LINGO3: variants seen among roughly 807,000 people sequenced by gnomAD.
LINGO3 encodes the protein leucine rich repeat and Ig domain containing 3.
For synonymous variants in LINGO3, 427 were observed against 444.2 expected, an observed-to-expected ratio of 0.96 and a Z score of 0.49; for missense variants, 750 against 867.7, an observed-to-expected ratio of 0.86 and a Z score of 1.70.
downstream of LINGO3, among the ~76,000 whole-genome samples, chr19:2,288,106 C>T (rs2025482573): frequency 6.6e-6 from 1 of 152,192 alleles, no homozygotes; most frequent in South Asian, 2.1e-4. The surrounding 1 kb of genome is among the most constrained non-coding windows in gnomAD (Gnocchi z 6.5). Flanking sequence ...CCCCCCGTGA[C>T]AGGATGCCCA....
chr19:2,290,886 G>GCGCAGGCGGACCAGGTCC lies in LINGO3; in HGVS notation c.873_890dup (p.Asp292_Arg297dup), dbSNP rs1568411809. 1 of 1,611,138 alleles carries GCGCAGGCGGACCAGGTCC rather than the reference G, an allele frequency of 6.2e-7. No individual in the cohort carries two copies. Among genetic ancestry groups the GCGCAGGCGGACCAGGTCC allele is most frequent in the South Asian group, 1.1e-5 (1 of 90,934 alleles). On this transcript the variant is annotated inframe_insertion, in exon 1 of 1. Transcript: ENST00000585527. This position sits in a 1 kb window ranked among gnomAD's most constrained non-coding sequence, Gnocchi z 6.0. The stretch of plus-strand genomic sequence containing the variant: ...GCAGGGCCCCGGCCAGGTGCAGCTC[G>GCGCAGGCGGACCAGGTCC]CGCAGGCGGACCAGGTCCCGGAACG...
At chr19:2,287,273 A>C (rs1476203478), downstream of LINGO3, among the ~76,000 whole-genome samples, 4 of 151,510 alleles carry the variant, frequency 2.6e-5, no homozygotes. The surrounding 1 kb of genome is among the most constrained non-coding windows in gnomAD (Gnocchi z 4.5). Flanking sequence ...TGGGGGGCTC[A>C]GGGGGCTGGG....
At chr19:2,305,796 G>A in the LINGO3 span, among the ~76,000 whole-genome samples, 22 of 152,186 alleles carry the variant, frequency 1.4e-4, no homozygotes, top group Admixed American at 6.5e-5. Context: ...TGGATGCCCC[G>A]TTTGAGCTTC....
Position 2,291,000 on chromosome 19 carries a change from G to A in LINGO3, c.777C>T (p.Thr259=), listed in dbSNP as rs1158527859. 3 of 1,611,356 alleles carry A rather than the reference G, an allele frequency of 1.9e-6. No homozygotes were observed. Among genetic ancestry groups the A allele is most frequent in the African/African-American group, 2.7e-5 (2 of 74,916 alleles). Residue 259 remains threonine (T), a synonymous_variant, in exon 1 of 1, where the codon ACC becomes ACT. Coordinates refer to ENST00000585527, the Ensembl canonical transcript of LINGO3. The surrounding 1 kb of genome is among the most constrained non-coding windows in gnomAD (Gnocchi z 6.0). ...GCCGCAGCGCGGCGGCCGGCACGGC[G>A]GTGATGTTGGTGTGGGTGACCGACA...
chr19:2,287,806 C>T (rs1199305582), downstream of LINGO3, among the ~76,000 whole-genome samples: 5 of 152,174 alleles, frequency 3.3e-5, no homozygotes, highest in African/African-American at 9.7e-5. The surrounding 1 kb of genome is among the most constrained non-coding windows in gnomAD (Gnocchi z 4.5). Context: ...TCTTCAGTCA[C>T]CAGCTGAGAT....
exon 1 of LINGO3, chr19:2,291,405 G>A: frequency 1.2e-6 from 2 of 1,613,460 alleles, no homozygotes; most frequent in Non-Finnish European, 1.7e-6. Flanking sequence ...GGTTGTCCAG[G>A]CGCGTGAAGA....
chr19:2,290,121 C>G lies in LINGO3; in HGVS notation c.1656G>C (p.Trp552Cys). 7 of 1,611,390 alleles carry G rather than the reference C, an allele frequency of 4.3e-6. No individual in the cohort carries two copies. The highest frequency in any genetic ancestry group is 5.9e-6 in the Non-Finnish European group (7 of 1,179,080). The change falls in exon 1 of 1, where the codon TGG (tryptophan) becomes TGC (cysteine). Residue 552 changes from tryptophan to cysteine, a missense_variant. Physicochemically the swap from Trp to Cys is radical, Grantham distance 215. Transcript: ENST00000585527. This position sits in a 1 kb window ranked among gnomAD's most constrained non-coding sequence, Gnocchi z 6.0. ...TTTTGTGCTGCCCGCGGCCGCGGCTCCACACGAACAGCAGCACGAAGCAGA... is the reference window on the plus strand; with the variant it reads ...TTTTGTGCTGCCCGCGGCCGCGGCTGCACACGAACAGCAGCACGAAGCAGA...
At chr19:2,300,382 G>C in the LINGO3 span, among the ~76,000 whole-genome samples, 4 of 151,834 alleles carry the variant, frequency 2.6e-5, no homozygotes, top group Admixed American at 6.6e-5. Context: ...CTCATGCTGT[G>C]GTCCTGGGGG....
At chr19:2,294,561 C>A (rs2025556705), upstream of LINGO3, among the ~76,000 whole-genome samples, 1 of 151,914 alleles carries the variant, frequency 6.6e-6, no homozygotes, top group Non-Finnish European at 1.5e-5. The surrounding 1 kb of genome is among the most constrained non-coding windows in gnomAD (Gnocchi z 4.3). Flanking sequence ...ACGGCAGAGG[C>A]CCCGAGGTGT....
At chr19:2,307,050 G>A in the LINGO3 span, among the ~76,000 whole-genome samples, 1 of 152,126 alleles carries the variant, frequency 6.6e-6, no homozygotes, top group Non-Finnish European at 1.5e-5. Context: ...CTTCCAGGGA[G>A]CCCTCCTGGG....
At chr19:2,304,407 C>T in the LINGO3 span, among the ~76,000 whole-genome samples, 5 of 152,114 alleles carry the variant, frequency 3.3e-5, no homozygotes, top group Admixed American at 3.3e-4. Context: ...GGTTCTAATC[C>T]CCGGAACTGC....
exon 1 of LINGO3, chr19:2,291,965 T>C (rs769610095): frequency 1.5e-5 from 9 of 613,822 alleles, no homozygotes; most frequent in Non-Finnish European, 2.4e-5. Flanking sequence ...GATGGAAGAA[T>C]TGCTTGAGTT....
exon 1 of LINGO3, chr19:2,289,831 C>T: frequency 1.7e-6 from 1 of 582,196 alleles, no homozygotes; most frequent in Non-Finnish European, 3.0e-6. Flanking sequence ...AAAAAAGACG[C>T]ATGCTGATGA....
At position 2,290,316 on chromosome 19, in the gene LINGO3, G is replaced by T; in HGVS notation, c.1461C>A (p.Gly487=). ...TCAGCGTGGCGAAGTAGGTGTCGTT[G>T]CCGCCCGCGTTGCTGGCCACGCACG... The change falls in exon 1 of 1, where the codon GGC becomes GGA. Residue 487 remains glycine (G), a synonymous_variant. Transcript: ENST00000585527. The surrounding 1 kb of genome is among the most constrained non-coding windows in gnomAD (Gnocchi z 6.0). 1 of 1,562,342 alleles carries T rather than the reference G, an allele frequency of 6.4e-7. No homozygotes were observed. The highest frequency in any genetic ancestry group is 1.2e-5 in the South Asian group (1 of 86,858).
At chr19:2,292,468 G>GT (rs1213022697), upstream of LINGO3, among the ~76,000 whole-genome samples, 1 of 150,182 alleles carries the variant, frequency 6.7e-6, no homozygotes, top group African/African-American at 2.5e-5. Context: ...AATCTCCTGG[G>GT]TTTTTTTGTT....
rs773986646 is a variant in LINGO3, at chr19:2,290,054, G to A, written c.1723C>T (p.Pro575Ser). 1.9e-6 allele frequency: 3 copies of A among 1,556,146 alleles called. No homozygotes were observed. The South Asian group carries it at 3.6e-5, about 18-fold the overall frequency. Residue 575 changes from proline (P) to serine (S), a missense_variant, in exon 1 of 1, where the codon CCG becomes TCG. Coordinates refer to ENST00000585527, the Ensembl canonical transcript of LINGO3. The surrounding 1 kb of genome is among the most constrained non-coding windows in gnomAD (Gnocchi z 6.0). ...CCTCCCTGGCCCGCCGCGGCGGCCG[G>A]CCCATCCACCTTGCGGAAGGAGTAC...
At chr19:2,303,220 C>A in the LINGO3 span, among the ~76,000 whole-genome samples, 1 of 152,242 alleles carries the variant, frequency 6.6e-6, no homozygotes, top group Non-Finnish European at 1.5e-5. Context: ...TGCAATCGGA[C>A]TGGCTGTGGC....
the LINGO3 span, among the ~76,000 whole-genome samples, chr19:2,297,085 C>T: frequency 2.6e-5 from 4 of 151,196 alleles, no homozygotes; most frequent in Non-Finnish European, 4.4e-5. Context: ...GAGCGAGACT[C>T]CGTCTCAAAA....
At chr19:2,294,125 C>G (rs1431879943), upstream of LINGO3, among the ~76,000 whole-genome samples, 1 of 152,190 alleles carries the variant, frequency 6.6e-6, no homozygotes, top group Non-Finnish European at 1.5e-5. The surrounding 1 kb of genome is among the most constrained non-coding windows in gnomAD (Gnocchi z 4.3). Flanking sequence ...GAATCAGGGT[C>G]TTTACAGATG....
Sources: allele counts gnomAD v4.1 joint callset (sites outside exome capture counted in the v4.1 genomes callset), GRCh38; gene constraint gnomAD v4.1.1; non-coding constraint Gnocchi (gnomAD v3.1); transcripts MANE v1.5; gene names NCBI Gene and HGNC (gene_info 2026-07-23, HGNC 2026-07-21).